DSCAM: variants seen among roughly 807,000 people sequenced by gnomAD.
DSCAM encodes the protein DS cell adhesion molecule.
Under a neutral mutation model 217.7 loss-of-function variants are expected in DSCAM, and 47 were observed. The observed-to-expected ratio is 0.22, with a 90% CI of 0.17 to 0.28. The LOEUF is 0.28. Ranked by LOEUF, DSCAM falls within the 10% of genes least tolerant of loss-of-function variation. The pLI is 1.00. For missense variants in DSCAM, 2,080 were observed against 2,618.3 expected (o/e 0.79, Z 4.49); for synonymous variants, 1,056 against 1,015.3 (o/e 1.04, Z -0.76).
chr21:40,766,354 G>T (rs1181208860), intron 1 of DSCAM, among the ~76,000 whole-genome samples: 1 of 151,030 alleles, frequency 6.6e-6, no homozygotes, highest in Non-Finnish European at 1.5e-5. Flanking sequence ...TATTTTCAAA[G>T]GATTAAATAC....
At chr21:40,205,257 G>C (rs1162553590) in intron 11 of DSCAM, among the ~76,000 whole-genome samples, 1 of 112,922 alleles carries the variant, frequency 8.9e-6, no homozygotes, top group Non-Finnish European at 1.8e-5. Flanking sequence ...CTGCCAAGCA[G>C]TGCATGCTGG....
chr21:40,191,436 C>T (rs2090951686), intron 11 of DSCAM, among the ~76,000 whole-genome samples: 1 of 152,142 alleles, frequency 6.6e-6, no homozygotes, highest in African/African-American at 2.4e-5. Context: ...TGAGATGCAG[C>T]AAAACTGGCT....
intron 3 of DSCAM, among the ~76,000 whole-genome samples, chr21:40,517,690 A>G (rs1342804023): frequency 1.3e-5 from 2 of 152,110 alleles, no homozygotes; most frequent in Non-Finnish European, 2.9e-5. Context: ...CATAAATAGG[A>G]GCTGTGTAAA....
intron 27 of DSCAM, among the ~76,000 whole-genome samples, chr21:40,063,920 C>T (rs1371987612): frequency 6.6e-6 from 1 of 152,100 alleles, no homozygotes; most frequent in Non-Finnish European, 1.5e-5. Context: ...ATGGTAACCC[C>T]AAGATGGGGC....
chr21:40,252,671 G>A (rs7283567), intron 11 of DSCAM, among the ~76,000 whole-genome samples: 17,109 of 152,110 alleles, frequency 0.11, 2,438 homozygotes, highest in African/African-American at 0.33. Flanking sequence ...AGTTTTGATA[G>A]GGACTTTTTA....
intron 8 of DSCAM, among the ~76,000 whole-genome samples, chr21:40,334,706 A>G (rs1451091623): frequency 8.4e-6 from 1 of 118,582 alleles, no homozygotes; most frequent in African/African-American, 3.2e-5. Context: ...CACAGGTGCA[A>G]ATATAGTGCA....
intron 1 of DSCAM, among the ~76,000 whole-genome samples, chr21:40,796,273 C>T (rs1772433086): frequency 6.6e-6 from 1 of 152,126 alleles, no homozygotes; most frequent in Non-Finnish European, 1.5e-5. Context: ...ATCGGCAAAT[C>T]CGAGCAGAAG....
intron 14 of DSCAM, among the ~76,000 whole-genome samples, chr21:40,181,498 G>A (rs1213333956): frequency 6.6e-6 from 1 of 152,052 alleles, no homozygotes. Flanking sequence ...TCAAGGTAAG[G>A]TTTTTATTTC....
chr21:40,234,581 T>C (rs1298561852), intron 11 of DSCAM, among the ~76,000 whole-genome samples: 4 of 152,204 alleles, frequency 2.6e-5, no homozygotes, highest in African/African-American at 9.6e-5. Flanking sequence ...TCCTGTCTAT[T>C]GTAGCCTCAG....
At chr21:40,568,122 G>C (rs557820004) in intron 3 of DSCAM, among the ~76,000 whole-genome samples, 15 of 152,152 alleles carry the variant, frequency 9.9e-5, no homozygotes, top group African/African-American at 3.6e-4. Context: ...GAAGCATTTA[G>C]CAATGAATGG....
At chr21:40,403,219 G>C (rs1429273137) in intron 3 of DSCAM, among the ~76,000 whole-genome samples, 3 of 151,938 alleles carry the variant, frequency 2.0e-5, no homozygotes, top group African/African-American at 7.3e-5. Flanking sequence ...AAAAGGAAAA[G>C]GTATCAATGA....
intron 27 of DSCAM, among the ~76,000 whole-genome samples, chr21:40,074,680 A>T (rs961761212): frequency 6.6e-6 from 1 of 152,236 alleles, no homozygotes; most frequent in African/African-American, 2.4e-5. Context: ...TCTCATTCCC[A>T]GAGCAAATCT....
intron 3 of DSCAM, among the ~76,000 whole-genome samples, chr21:40,505,919 A>G (rs971118788): frequency 6.6e-6 from 1 of 152,188 alleles, no homozygotes; most frequent in East Asian, 1.9e-4. Flanking sequence ...TCTACAGGAG[A>G]CAAGCAAAGT....
At chr21:40,480,272 G>A (rs1294233736) in intron 3 of DSCAM, among the ~76,000 whole-genome samples, 1 of 152,154 alleles carries the variant, frequency 6.6e-6, no homozygotes, top group Non-Finnish European at 1.5e-5. Context: ...TCTAGATGTG[G>A]CTGTATACAC....
intron 3 of DSCAM, among the ~76,000 whole-genome samples, chr21:40,535,969 T>C (rs2076492733): frequency 6.6e-6 from 1 of 152,178 alleles, no homozygotes; most frequent in Non-Finnish European, 1.5e-5. Flanking sequence ...TGGAGGTAAG[T>C]GCTGTGGCCA....
At chr21:40,373,868 C>T (rs1367192228) in intron 3 of DSCAM, among the ~76,000 whole-genome samples, 1 of 152,160 alleles carries the variant, frequency 6.6e-6, no homozygotes, top group Non-Finnish European at 1.5e-5. Flanking sequence ...TCATTTAACT[C>T]TAAACTTTGC....
intron 3 of DSCAM, among the ~76,000 whole-genome samples, chr21:40,614,507 G>C (rs1317976804): frequency 6.6e-6 from 1 of 152,072 alleles, no homozygotes; most frequent in Non-Finnish European, 1.5e-5. Flanking sequence ...GTGAAATTTG[G>C]AACAACTTTT....
intron 26 of DSCAM, among the ~76,000 whole-genome samples, chr21:40,077,425 A>C (rs1236665196): frequency 6.6e-6 from 1 of 152,112 alleles, no homozygotes; most frequent in Non-Finnish European, 1.5e-5. Context: ...TCCGATGAAA[A>C]TCCCAGGCAA....
At chr21:40,356,719 T>C (rs2074697374) in intron 4 of DSCAM, among the ~76,000 whole-genome samples, 1 of 152,138 alleles carries the variant, frequency 6.6e-6, no homozygotes, top group Non-Finnish European at 1.5e-5. Context: ...AAAAGCCTGG[T>C]CCCTTGTGAA....
Sources: gnomAD v4.1 joint callset for allele counts (sites outside exome capture counted in the v4.1 genomes callset) on GRCh38, gnomAD v4.1.1 for gene constraint, MANE v1.5 for transcripts, NCBI Gene and HGNC (gene_info 2026-07-23, HGNC 2026-07-21) for gene names.